EEF1D: variants seen among roughly 807,000 people sequenced by gnomAD.
The protein encoded by EEF1D is elongation factor 1-delta.
A neutral mutation model predicts 63.9 loss-of-function variants in EEF1D; 47 were observed. The ratio of observed to expected loss-of-function variants is 0.74; its 90% confidence interval spans 0.58 to 0.94. The LOEUF is 0.94. EEF1D is among the 40% of genes least tolerant of loss of function. EEF1D has a pLI of 0.00. For synonymous variants in EEF1D, 412 were observed against 386.1 expected (o/e 1.07, Z -0.79); for missense variants, 907 against 899.0 (o/e 1.01, Z -0.11).
rs1421637289 is a variant in EEF1D, at chr8:143,587,879, G to GC, written c.1092-1028dup. On this transcript the variant is annotated intron_variant, in intron 3 of 9. Transcript: ENST00000618139. ...CCTCTGGTTCTTTATGGAGTTTGCCGCCCCCCACCCTGGACTGGCCAAGAC... is the reference window on the plus strand; with the variant it reads ...CCTCTGGTTCTTTATGGAGTTTGCCGCCCCCCCACCCTGGACTGGCCAAGAC... 5.9e-5 allele frequency among the ~76,000 whole-genome samples: 9 copies of GC among 152,224 alleles called. No individual in the cohort carries two copies. In the South Asian group the frequency reaches 8.3e-4, roughly 14 times the overall value.
Position 143,589,814 on chromosome 8 carries a change from G to T in EEF1D, c.268C>A (p.Arg90Ser). Residue 90 changes from arginine (R) to serine (S), a missense_variant, in exon 3 of 10, where the codon CGC becomes AGC. Transcript: ENST00000618139. ...SRKPLQKKRKRSPKSGLGPAD... is the reference protein window; with the variant it reads ...SRKPLQKKRKSSPKSGLGPAD... ...GGGCCGAGCCCGCTCTTGGGGGAGC[G>T]CTTCCTCTTTTTCTGCAGGGGCTTC... is the stretch of plus-strand genomic sequence containing the variant. 1 of 1,601,592 alleles carries T rather than the reference G, an allele frequency of 6.2e-7. No homozygotes were observed. The highest frequency in any genetic ancestry group is 8.5e-7 in the Non-Finnish European group (1 of 1,174,850).
chr8:143,592,400 G>A (rs1047042447), intron 2 of EEF1D, among the ~76,000 whole-genome samples: 2 of 151,910 alleles, frequency 1.3e-5, no homozygotes, highest in Admixed American at 6.6e-5. Context: ...TTCCCTGCAG[G>A]GAGCCGCATG....
intron 9 of EEF1D, 40 bp from the exon 10 acceptor site, chr8:143,579,870 T>G: frequency 6.5e-7 from 1 of 1,540,282 alleles, no homozygotes; most frequent in Non-Finnish European, 8.8e-7. Context: ...GCTGTTCCCC[T>G]ACAGCCCACT....
chr8:143,580,483 G>A, intron 8 of EEF1D, 23 bp downstream of exon 8: 2 of 1,605,978 alleles, frequency 1.2e-6, no homozygotes, highest in Non-Finnish European at 1.7e-6. Context: ...CTGGCCCCCT[G>A]AAGCCCCACC....
At chr8:143,588,707 G>A in intron 3 of EEF1D, 1 of 474,896 alleles carries the variant, frequency 2.1e-6, no homozygotes, top group Non-Finnish European at 3.7e-6. Flanking sequence ...CCCAGCCAAA[G>A]AGGGACCCTG....
In EEF1D at chr8:143,586,870, C is replaced by T; in HGVS notation, c.1092-18G>A. 6.2e-7 allele frequency: 1 copy of T among 1,612,604 alleles called. No homozygotes were observed. The highest frequency in any genetic ancestry group is 2.2e-5 in the East Asian group (1 of 44,852). On this transcript the variant is annotated intron_variant, in intron 3 of 9. Transcript: ENST00000618139. ...TTTTTCTGCTGGGAGGGGAAAGAGG[C>T]AAAGTCAGCATGGCTGGGAAGTGGG...
Position 143,589,675 on chromosome 8 carries a change from G to T in EEF1D, c.407C>A (p.Ala136Glu). ...AGGGGCCAAGGCAGGAGGCCAGGCT[G>T]CCTGGGCAGCCACATCTGCCAGCTT... ...RQKLADVAAQAAWPPALAPWG... is the reference protein window; with the variant it reads ...RQKLADVAAQEAWPPALAPWG... Residue 136 changes from alanine to glutamate, a missense_variant, in exon 3 of 10, where the codon GCA (alanine) becomes GAA (glutamate). Coordinates refer to ENST00000618139, the MANE Select transcript of EEF1D (RefSeq NM_001130053.5). 6.5e-7 allele frequency: 1 copy of T among 1,532,824 alleles called. No homozygotes were observed. Among genetic ancestry groups the T allele is most frequent in the African/African-American group, 1.4e-5 (1 of 72,214 alleles). The allele number at this position is 1,532,824 out of a possible 1,614,324, so 95.0% of individuals were successfully genotyped here.
chr8:143,585,102 A>G (rs1826305055), intron 5 of EEF1D, among the ~76,000 whole-genome samples: 1 of 152,040 alleles, frequency 6.6e-6, no homozygotes, highest in Non-Finnish European at 1.5e-5. Flanking sequence ...AGACAATGAG[A>G]ATCTCCGGCG....
rs988788314 is a variant in EEF1D at position 143,594,780 on chromosome 8, T to G, written c.-14-2120A>C. ...CTGATAGAACTTTCAGTACCTTCAGTGCCCAAAGGGCGCGACGACTAGCCC... is the reference window on the plus strand; with the variant it reads ...CTGATAGAACTTTCAGTACCTTCAGGGCCCAAAGGGCGCGACGACTAGCCC... On this transcript the variant is annotated intron_variant, in intron 1 of 9. Coordinates refer to ENST00000618139, the MANE Select transcript of EEF1D (RefSeq NM_001130053.5). Among the ~76,000 whole-genome samples the G allele has an allele frequency of 2.6e-4, 39 of 152,332 alleles. 1 individual carries two copies. The highest frequency in any genetic ancestry group is 4.7e-4 in the Non-Finnish European group (32 of 68,036).
intron 5 of EEF1D, chr8:143,584,118 A>G (rs570174807): frequency 3.3e-5 from 5 of 152,406 alleles, no homozygotes; most frequent in African/African-American, 7.2e-5. Flanking sequence ...AAGTGTGGCA[A>G]CGTTACAGCA....
intron 5 of EEF1D, chr8:143,582,234 G>A (rs1484675407): frequency 6.6e-6 from 1 of 152,378 alleles, no homozygotes. Context: ...GCTTGTTTAT[G>A]TATCTGGAGG....
Position 143,580,739 on chromosome 8 carries a change from G to A in EEF1D, c.1489-12C>T, listed in dbSNP as rs765155275. The A allele has an allele frequency of 4.3e-6, 7 of 1,611,732 alleles. No individual in the cohort carries two copies. In the Admixed American group the frequency reaches 1.2e-4, roughly 27 times the overall value. On this transcript the variant is annotated splice_polypyrimidine_tract_variant and intron_variant, in intron 7 of 9. Coordinates refer to ENST00000618139, the MANE Select transcript of EEF1D (RefSeq NM_001130053.5). The stretch of plus-strand genomic sequence containing the variant: ...ATGGGAGATACGTGCTGCCACAGGG[G>A]AAGGGACAGGAGGCACGGCTGAGAC...
rs376148512 is a variant in EEF1D at position 143,579,768 on chromosome 8, C to T, written c.*24G>A. On this transcript the variant is annotated 3_prime_UTR_variant, in exon 10 of 10. Coordinates refer to ENST00000618139, the MANE Select transcript of EEF1D (RefSeq NM_001130053.5). ...TAATCGTGGCAGGGCCTCACGCACG[C>T]GCGCACGTACACACACTCAGGCTTC... 20 of 1,532,510 alleles carry T rather than the reference C, an allele frequency of 1.3e-5. No individual in the cohort carries two copies. Among genetic ancestry groups the T allele is most frequent in the South Asian group, 1.1e-4 (9 of 78,354 alleles). 94.9% of individuals were successfully genotyped at this position (1,532,510 alleles called of 1,614,324 possible).
rs1293954924 is a variant in EEF1D, at chr8:143,580,200, C to T, written c.1717G>A (p.Asp573Asn). 5.0e-6 allele frequency: 8 copies of T among 1,612,774 alleles called. No homozygotes were observed. Among genetic ancestry groups the T allele is most frequent in the Non-Finnish European group, 5.9e-6 (7 of 1,179,446 alleles). ...SILLDVKPWD[D>N]ETDMAQLEAC... ...TCCAGCTGGGCCATGTCCGTCTCAT[C>T]ATCCCACTGTGGGGAAAGGGGAGGA... is the stretch of plus-strand genomic sequence containing the variant. Residue 573 changes from aspartate to asparagine, a missense_variant, in exon 9 of 10, where the codon GAT (aspartate) becomes AAT (asparagine). Asp to Asn is a conservative substitution (Grantham distance 23). Transcript: ENST00000618139.
At chr8:143,591,048 C>T (rs796494049) in intron 2 of EEF1D, among the ~76,000 whole-genome samples, 2 of 152,196 alleles carry the variant, frequency 1.3e-5, no homozygotes, top group Admixed American at 6.5e-5. Context: ...AGGGGCCAAG[C>T]GCCTGGAGCA....
In EEF1D at chr8:143,579,771, G is replaced by A. The variant is rs759407824; in HGVS notation, c.*21C>T. 6.5e-6 allele frequency: 10 copies of A among 1,536,812 alleles called. No homozygotes were observed. Among genetic ancestry groups the A allele is most frequent in the Admixed American group, 2.1e-5 (1 of 48,082 alleles). On this transcript the variant is annotated 3_prime_UTR_variant, in exon 10 of 10. Coordinates refer to ENST00000618139, the MANE Select transcript of EEF1D (RefSeq NM_001130053.5). ...TCGTGGCAGGGCCTCACGCACGCGCGCACGTACACACACTCAGGCTTCAGA... is the reference window on the plus strand; with the variant it reads ...TCGTGGCAGGGCCTCACGCACGCGCACACGTACACACACTCAGGCTTCAGA...
At chr8:143,581,687 C>T in intron 5 of EEF1D, 1 of 289,114 alleles carries the variant, frequency 3.5e-6, no homozygotes, top group Non-Finnish European at 6.5e-6. Context: ...CTGGGACACG[C>T]CTCAGGGGAC....
intron 2 of EEF1D, 181 bp from the exon 3 acceptor site, chr8:143,590,262 C>A: frequency 1.1e-6 from 1 of 930,840 alleles, no homozygotes; most frequent in South Asian, 1.5e-5. Context: ...CGAAGTCAAG[C>A]CCATGTGGGG....
At chr8:143,587,118 A>G in intron 3 of EEF1D, 1 of 310,972 alleles carries the variant, frequency 3.2e-6, no homozygotes, top group Middle Eastern at 9.3e-4. Context: ...GGTTTATGTC[A>G]AACAGCTGAA....
Sources: gnomAD v4.1 joint callset for allele counts (sites outside exome capture counted in the v4.1 genomes callset) on GRCh38, gnomAD v4.1.1 for gene constraint, MANE v1.5 for transcripts, NCBI Gene and HGNC (gene_info 2026-07-23, HGNC 2026-07-21) for gene names.